The following PPL variants were observed in gnomAD, a reference collection of about 807,000 sequenced individuals.
PPL encodes 190 kDa paraneoplastic pemphigus antigen.
Under a neutral mutation model 194.4 loss-of-function variants are expected in PPL, and 198 were observed. The ratio of observed to expected loss-of-function variants is 1.02; its 90% CI spans 0.91 to 1.15. The LOEUF (loss-of-function observed/expected upper bound fraction) is 1.15. PPL is among the 50% of genes most tolerant of loss of function. The probability of loss-of-function intolerance (pLI) is 0.00; values close to 1 mark genes in which losing one functional copy is unlikely to be tolerated. For synonymous variants in PPL, 1,220 were observed against 972.4 expected, an observed-to-expected ratio of 1.25 and a Z score of -4.74; for missense variants, 2,885 against 2,294.8, an observed-to-expected ratio of 1.26 and a Z score of -5.25.
chr16:4,922,614 A>G (rs1378193393), intron 1 of PPL, among the ~76,000 whole-genome samples: 1 of 152,160 alleles, frequency 6.6e-6, no homozygotes, highest in Non-Finnish European at 1.5e-5. Context: ...GTGAGCCGAG[A>G]CTGTGCCACT....
intron 1 of PPL, among the ~76,000 whole-genome samples, chr16:4,913,100 T>C (rs2088852519): frequency 6.7e-6 from 1 of 149,758 alleles, no homozygotes; most frequent in Non-Finnish European, 1.5e-5. Context: ...CGAGACTCCA[T>C]CTCGAAAAAA....
chr16:4,935,766 C>T (rs1027553891), intron 1 of PPL, among the ~76,000 whole-genome samples: 1 of 152,192 alleles, frequency 6.6e-6, no homozygotes, highest in Non-Finnish European at 1.5e-5. Context: ...CGGCCTAGGC[C>T]GGACTGCAGG....
intron 1 of PPL, among the ~76,000 whole-genome samples, chr16:4,919,210 C>T (rs1389297710): frequency 6.6e-6 from 1 of 152,196 alleles, no homozygotes; most frequent in African/African-American, 2.4e-5. Flanking sequence ...GCCTCAGAAG[C>T]CATCCAGCCC....
chr16:4,916,440 G>C (rs752896956), intron 1 of PPL, among the ~76,000 whole-genome samples: 1 of 151,828 alleles, frequency 6.6e-6, no homozygotes, highest in African/African-American at 2.4e-5. Context: ...TCGAACTCCT[G>C]ACCTCAGGTG....
At chr16:4,887,494 T>C (rs754343678) in intron 20 of PPL, among the ~76,000 whole-genome samples, 1 of 152,304 alleles carries the variant, frequency 6.6e-6, no homozygotes, top group African/African-American at 2.4e-5. Context: ...TGTTCTCTCT[T>C]GTGTGTACAG....
rs1255738877 is a variant in PPL, at chr16:4,892,647, C to G, written c.1651-434G>C. On this transcript the variant is annotated intron_variant, in intron 14 of 21. Transcript: ENST00000345988. ...TCCTCTCGCCCTGACTTGGCTCTCA[C>G]TCTGAGGCCCCATCAGGGGCTATGG... The G allele has an allele frequency of 2.4e-5, 4 of 170,038 alleles. No homozygotes were observed. The Admixed American group carries it at 2.4e-4, about 10-fold the overall frequency. 10.5% of individuals were successfully genotyped at this position (170,038 alleles called of 1,614,324 possible). A position where few individuals can be genotyped will look rare whatever the true frequency, so the allele number is the denominator to read the frequency against.
At chr16:4,932,958 G>C (rs756341520) in intron 1 of PPL, among the ~76,000 whole-genome samples, 1 of 151,768 alleles carries the variant, frequency 6.6e-6, no homozygotes, top group Non-Finnish European at 1.5e-5. Context: ...CCAGAGCTGC[G>C]GCCTGAACTC....
chr16:4,885,261 C>A lies in PPL; in HGVS notation c.3394G>T (p.Asp1132Tyr). 6.2e-7 allele frequency: 1 copy of A among 1,612,642 alleles called. No homozygotes were observed. Among genetic ancestry groups the A allele is most frequent in the Non-Finnish European group, 8.5e-7 (1 of 1,179,982 alleles). Reference sequence around the variant, plus strand: ...TCGTCCTCATATTGGCGGGTGAGATCGCTGACCTCCCTCTCGGTGGCCGCG... The same window carrying A: ...TCGTCCTCATATTGGCGGGTGAGATAGCTGACCTCCCTCTCGGTGGCCGCG... ...KDAATEREVS[D>Y]LTRQYEDEAA... Residue 1132 changes from aspartate (D) to tyrosine (Y), a missense_variant, in exon 22 of 22, where the codon GAT (aspartate) becomes TAT (tyrosine). By Grantham distance (160) the Asp-to-Tyr change is radical (BLOSUM62 -3). Transcript: ENST00000345988. This position sits in a 1 kb window ranked among gnomAD's most constrained non-coding sequence, Gnocchi z 6.3.
rs751453329 is a variant in PPL, at chr16:4,883,072, GA to G, written c.*311del. The G allele has an allele frequency of 2.0e-5, 7 of 343,724 alleles. No individual in the cohort carries two copies. Among genetic ancestry groups the G allele is most frequent in the East Asian group, 1.6e-4 (2 of 12,896 alleles). 21.3% of individuals were successfully genotyped at this position (343,724 alleles called of 1,614,324 possible). On this transcript the variant is annotated 3_prime_UTR_variant, in exon 22 of 22. Transcript: ENST00000345988. This position sits in a 1 kb window ranked among gnomAD's most constrained non-coding sequence, Gnocchi z 4.8. ...TTGGCTTGTCCTTCAGTGGTTTTCAGATTGTGTGCAGTTATCATGAGGAGTT... is the reference window on the plus strand; with the variant it reads ...TTGGCTTGTCCTTCAGTGGTTTTCAGTTGTGTGCAGTTATCATGAGGAGTT...
At chr16:4,895,146 CACCA>C in intron 11 of PPL, 111 bp downstream of exon 11, 1 of 1,306,594 alleles carries the variant, frequency 7.7e-7, no homozygotes, top group Non-Finnish European at 1.0e-6. Context: ...GGCAGAGTGA[CACCA>C]ACCACGGAGA....
At chr16:4,917,966 A>G (rs2088957882) in intron 1 of PPL, among the ~76,000 whole-genome samples, 1 of 149,412 alleles carries the variant, frequency 6.7e-6, no homozygotes, top group Admixed American at 6.7e-5. Flanking sequence ...TATATGAATT[A>G]CATCACAGTA....
chr16:4,892,135 G>A lies in PPL; in HGVS notation c.1729C>T (p.Leu577Phe), dbSNP rs147064306. ...TAEGEAFIQALPGSGTTPLLR... is the reference protein window; with the variant it reads ...TAEGEAFIQAFPGSGTTPLLR... ...AGGGGTGTGGTGCCACTGCCTGGGA[G>A]GGCCTGGATGAAGGCTTCGCCCTCA... Residue 577 changes from leucine to phenylalanine, a missense_variant, in exon 15 of 22, where the codon CTC becomes TTC. Leu to Phe is a conservative substitution (Grantham distance 22). Transcript: ENST00000345988. The A allele has an allele frequency of 4.3e-6, 7 of 1,613,706 alleles. No individual in the cohort carries two copies. Among genetic ancestry groups the A allele is most frequent in the African/African-American group, 1.3e-5 (1 of 74,940 alleles).
intron 21 of PPL, among the ~76,000 whole-genome samples, chr16:4,886,361 T>C (rs905294337): frequency 6.6e-6 from 1 of 152,220 alleles, no homozygotes; most frequent in African/African-American, 2.4e-5. Flanking sequence ...CAAGAATATC[T>C]GTCTGTAGTA....
intron 2 of PPL, among the ~76,000 whole-genome samples, chr16:4,907,346 A>G (rs1048521489): frequency 6.7e-6 from 1 of 148,480 alleles, no homozygotes; most frequent in East Asian, 1.9e-4. Context: ...ACACACACAC[A>G]CACACACACG....
Position 4,885,163 on chromosome 16 carries a change from C to T in PPL, c.3492G>A (p.Glu1164=). ...TCTCCTGCACCACCACTTTGGCGTT[C>T]TCCTCCTCCAAGGCCCATATCTTTC... ...LLRKIWALEE[E]NAKVVVQEKV... Residue 1164 remains glutamate, a synonymous_variant, in exon 22 of 22, where the codon GAG becomes GAA. Coordinates refer to ENST00000345988, the MANE Select transcript of PPL (RefSeq NM_002705.5). The surrounding 1 kb of genome is among the most constrained non-coding windows in gnomAD (Gnocchi z 6.3). 3 of 1,613,878 alleles carry T rather than the reference C, an allele frequency of 1.9e-6. No individual in the cohort carries two copies. Among genetic ancestry groups the T allele is most frequent in the Non-Finnish European group, 2.5e-6 (3 of 1,179,878 alleles).
At chr16:4,921,711 C>A (rs909030572) in intron 1 of PPL, among the ~76,000 whole-genome samples, 2 of 152,192 alleles carry the variant, frequency 1.3e-5, no homozygotes, top group African/African-American at 4.8e-5. Context: ...AAGTGATCTG[C>A]CCGCCTCGGC....
At position 4,885,616 on chromosome 16, in the gene PPL, C is replaced by T; in HGVS notation, c.3039G>A (p.Leu1013=). 3.1e-6 allele frequency: 5 copies of T among 1,612,836 alleles called. No homozygotes were observed. The highest frequency in any genetic ancestry group is 4.2e-6 in the Non-Finnish European group (5 of 1,179,748). ...GCCTCAGTGCCTCCAGCTCCTCCCG[C>T]AGCTGCAAGACCTCATCCGCCTGGG... ...DRAQADEVLQ[L]REELEALRRQ... is the part of the protein sequence containing the mutation. Residue 1013 remains leucine, a synonymous_variant, in exon 22 of 22, where the codon CTG becomes CTA. Transcript: ENST00000345988. This position sits in a 1 kb window ranked among gnomAD's most constrained non-coding sequence, Gnocchi z 6.3.
chr16:4,924,331 C>T (rs911497220), intron 1 of PPL, among the ~76,000 whole-genome samples: 1 of 152,150 alleles, frequency 6.6e-6, no homozygotes, highest in African/African-American at 2.4e-5. Context: ...CCCTGGCACA[C>T]AGACATACGT....
In PPL at chr16:4,902,936, G is replaced by T. The variant is rs907916565; in HGVS notation, c.318-410C>A. Among the ~76,000 whole-genome samples the T allele has an allele frequency of 6.6e-6, 1 of 152,146 alleles. No homozygotes were observed. The highest frequency in any genetic ancestry group is 1.5e-5 in the Non-Finnish European group (1 of 68,024). Reference sequence around the variant, plus strand: ...ACTCCTGACCTCAGGTGATCCGTCCGCTTCGGCCTCCCGAAGTGCTGGGAT... The same window carrying T: ...ACTCCTGACCTCAGGTGATCCGTCCTCTTCGGCCTCCCGAAGTGCTGGGAT... On this transcript the variant is annotated intron_variant, in intron 3 of 21. Coordinates refer to ENST00000345988, the MANE Select transcript of PPL (RefSeq NM_002705.5). This position sits in a 1 kb window ranked among gnomAD's most constrained non-coding sequence, Gnocchi z 4.0.
Sources: allele counts gnomAD v4.1 joint callset (sites outside exome capture counted in the v4.1 genomes callset), GRCh38; gene constraint gnomAD v4.1.1; non-coding constraint Gnocchi (gnomAD v3.1); transcripts MANE v1.5; gene names NCBI Gene and HGNC (gene_info 2026-07-23, HGNC 2026-07-21).